The following ETS2 variants were observed in gnomAD, a reference collection of about 807,000 sequenced individuals.
ETS2 encodes the protein ETS proto-oncogene 2, transcription factor.
ETS2 carries 19 observed loss-of-function variants against 54.9 expected under a neutral mutation model. That is an observed-to-expected ratio of 0.35 (90% CI 0.24 to 0.51). The LOEUF is 0.51. Among genes scored for constraint, ETS2 ranks in the 20% least tolerant of loss-of-function variants. The probability of loss-of-function intolerance (pLI) is 0.97; values close to 1 mark genes in which losing one functional copy is unlikely to be tolerated. For synonymous variants in ETS2, 219 were observed against 229.3 expected (o/e 0.95, Z 0.41); for missense variants, 417 against 593.0 (o/e 0.70, Z 3.08).
intron 1 of ETS2, among the ~76,000 whole-genome samples, chr21:38,808,992 T>A (rs761407175): frequency 1.5e-4 from 23 of 152,242 alleles, no homozygotes; most frequent in Non-Finnish European, 2.9e-4. Flanking sequence ...CTTACTGATA[T>A]GTAACTTACC....
At position 38,821,167 on chromosome 21, in the gene ETS2, C is replaced by T. The variant is rs73903616; in HGVS notation, c.1076-419C>T. Reference sequence around the variant, plus strand: ...GCCTCATTCTGTGATGAAACACCCCCTCAGCCACCCCCATCTCTGCCCCAC... The same window carrying T: ...GCCTCATTCTGTGATGAAACACCCCTTCAGCCACCCCCATCTCTGCCCCAC... On this transcript the variant is annotated intron_variant, in intron 8 of 9. Transcript: ENST00000360938. This position sits in a 1 kb window ranked among gnomAD's most constrained non-coding sequence, Gnocchi z 4.2. Among the ~76,000 whole-genome samples, 2,477 of 152,262 alleles carry T rather than the reference C, an allele frequency of 0.016. 70 individuals carry two copies. The highest frequency in any genetic ancestry group is 0.055 in the African/African-American group (2,285 of 41,546).
chr21:38,817,030 T>A lies in ETS2; in HGVS notation c.528T>A (p.Asp176Glu). 1 of 1,612,180 alleles carries A rather than the reference T, an allele frequency of 6.2e-7. No individual in the cohort carries two copies. ...CAGAAAACCAAGAAAAGACAGAAGA[T>A]CAATATGAAGAAAATTCACACCTCA... ...MIKENQEKTEDQYEENSHLTS... is the reference protein window; with the variant it reads ...MIKENQEKTEEQYEENSHLTS... The change falls in exon 6 of 10, where the codon GAT becomes GAA. Residue 176 changes from aspartate (D) to glutamate (E), a missense_variant. This residue lies in a region of ETS2 where 326 missense variants were observed against 426.1 expected (regional missense o/e 0.76). Coordinates refer to ENST00000360938, the MANE Select transcript of ETS2 (RefSeq NM_005239.6).
chr21:38,816,615 C>T (rs2060936598), intron 5 of ETS2, among the ~76,000 whole-genome samples: 1 of 152,212 alleles, frequency 6.6e-6, no homozygotes, highest in Non-Finnish European at 1.5e-5. Flanking sequence ...AGCAGTGGAA[C>T]TGTAAGCTTC....
intron 1 of ETS2, among the ~76,000 whole-genome samples, chr21:38,807,317 C>T (rs2060897403): frequency 1.3e-5 from 2 of 151,680 alleles, no homozygotes; most frequent in African/African-American, 4.8e-5. Context: ...AATAATCTTA[C>T]ATAAGTGATT....
At chr21:38,810,289 T>C (rs2060909194) in intron 2 of ETS2, among the ~76,000 whole-genome samples, 183 bp downstream of exon 2, 2 of 152,180 alleles carry the variant, frequency 1.3e-5, no homozygotes, top group Non-Finnish European at 2.9e-5. Flanking sequence ...GCAGAATGGG[T>C]ATCTTGATGT....
chr21:38,810,240 C>A, intron 2 of ETS2, 134 bp downstream of exon 2: 1 of 553,348 alleles, frequency 1.8e-6, no homozygotes, highest in Admixed American at 4.2e-5. Flanking sequence ...TGACTATAGA[C>A]TATTTGCTTA....
intron 1 of ETS2, among the ~76,000 whole-genome samples, chr21:38,808,435 C>T (rs866726359): frequency 6.6e-6 from 1 of 152,116 alleles, no homozygotes; most frequent in Non-Finnish European, 1.5e-5. Context: ...GACTGCTGCC[C>T]CTCTCTGTCC....
Position 38,806,467 on chromosome 21 carries a change from A to G in ETS2, c.-1+347A>G. ...TTTTAAAAGGAAACGCAGGCCTGGT[A>G]GGGGGTCCTGCCCAGTGGATGTCCC... On this transcript the variant is annotated intron_variant, in intron 1 of 9. Transcript: ENST00000360938. This position sits in a 1 kb window ranked among gnomAD's most constrained non-coding sequence, Gnocchi z 4.3. 2.0e-6 allele frequency: 2 copies of G among 985,336 alleles called. No homozygotes were observed. The highest frequency in any genetic ancestry group is 1.2e-6 in the Non-Finnish European group (1 of 829,978). The allele number at this position is 985,336 out of a possible 1,614,324, so 61.0% of individuals were successfully genotyped here.
At chr21:38,818,688 T>C in intron 7 of ETS2, 42 bp downstream of exon 7, 1 of 1,609,224 alleles carries the variant, frequency 6.2e-7, no homozygotes, top group Non-Finnish European at 8.5e-7. Flanking sequence ...TTGCTTTGAT[T>C]CTGAGAACCC....
rs3833351 is a variant in ETS2 at position 38,810,013 on chromosome 21, CTT to C, written c.1-12_1-11del. The C allele has an allele frequency of 6.3e-5, 75 of 1,191,954 alleles. No individual in the cohort carries two copies. The highest frequency in any genetic ancestry group is 2.2e-4 in the African/African-American group (14 of 62,324). The allele number at this position is 1,191,954 out of a possible 1,614,324, so 73.8% of individuals were successfully genotyped here. On this transcript the variant is annotated intron_variant, in intron 1 of 9. Coordinates refer to ENST00000360938, the MANE Select transcript of ETS2 (RefSeq NM_005239.6). ...TGTACTTAATCTTTTGCCTCTTTGA[CTT>C]TTTTTTTTTCTTTTTTAAGATGAAT...
chr21:38,817,219 G>A (rs1402398847), intron 6 of ETS2, 128 bp downstream of exon 6: 5 of 616,828 alleles, frequency 8.1e-6, no homozygotes, highest in Admixed American at 2.8e-5. Flanking sequence ...CCACACGTGG[G>A]TGTTGAGCTA....
At position 38,806,871 on chromosome 21, in the gene ETS2, C is replaced by T. The variant is rs1168576793; in HGVS notation, c.-1+751C>T. 11 of 979,842 alleles carry T rather than the reference C, an allele frequency of 1.1e-5. No homozygotes were observed. Among genetic ancestry groups the T allele is most frequent in the South Asian group, 4.7e-5 (1 of 21,162 alleles). The allele number at this position is 979,842 out of a possible 1,614,324, so 60.7% of individuals were successfully genotyped here. ...GTGTGTTATCCTATTTTATTTTTTA[C>T]GGCAGGAGACCTTTTATGTTAGCCT... On this transcript the variant is annotated intron_variant, in intron 1 of 9. Coordinates refer to ENST00000360938, the MANE Select transcript of ETS2 (RefSeq NM_005239.6). The surrounding 1 kb of genome is among the most constrained non-coding windows in gnomAD (Gnocchi z 4.3).
In ETS2 at chr21:38,810,125, A is replaced by T. The variant is rs1569021382; in HGVS notation, c.72+19A>T. On this transcript the variant is annotated intron_variant, in intron 2 of 9. Transcript: ENST00000360938. ...ACTCAAGGTGAGTGGGCAAGTCTTAATTTTTTTTTTTAATTGGAAAACTCG... is the reference window on the plus strand; with the variant it reads ...ACTCAAGGTGAGTGGGCAAGTCTTATTTTTTTTTTTTAATTGGAAAACTCG... The T allele has an allele frequency of 1.4e-5, 18 of 1,278,118 alleles. No homozygotes were observed. Among genetic ancestry groups the T allele is most frequent in the Non-Finnish European group, 1.7e-5 (16 of 957,258 alleles). 79.2% of individuals were successfully genotyped at this position (1,278,118 alleles called of 1,614,324 possible). A position where few individuals can be genotyped will look rare whatever the true frequency, so the allele number is the denominator to read the frequency against.
rs529544077 is a variant in ETS2 at position 38,806,400 on chromosome 21, G to A, written c.-1+280G>A. 6 of 985,788 alleles carry A rather than the reference G, an allele frequency of 6.1e-6. No individual in the cohort carries two copies. The highest frequency in any genetic ancestry group is 5.2e-4 in the Middle Eastern group (1 of 1,936). The allele number at this position is 985,788 out of a possible 1,614,324, so 61.1% of individuals were successfully genotyped here. On this transcript the variant is annotated intron_variant, in intron 1 of 9. Transcript: ENST00000360938. The surrounding 1 kb of genome is among the most constrained non-coding windows in gnomAD (Gnocchi z 4.3). ...GCTGTCTTCGGGGTCGCCTAGCGGC[G>A]GGCGCGGCCAGGGCGCGCTGGCTTG...
intron 2 of ETS2, among the ~76,000 whole-genome samples, chr21:38,811,614 T>C (rs1377168607): frequency 6.6e-6 from 1 of 152,224 alleles, no homozygotes; most frequent in African/African-American, 2.4e-5. Context: ...CCTCAACAAT[T>C]TAGGCGATGA....
intron 2 of ETS2, among the ~76,000 whole-genome samples, chr21:38,811,300 A>C (rs1206465698): frequency 6.6e-6 from 1 of 152,158 alleles, no homozygotes; most frequent in Non-Finnish European, 1.5e-5. Context: ...CTCTGCTCTA[A>C]AGTAGTTTGT....
intron 9 of ETS2, among the ~76,000 whole-genome samples, chr21:38,822,056 C>T (rs1045955255): frequency 5.9e-5 from 9 of 152,140 alleles, no homozygotes; most frequent in East Asian, 1.9e-4. Context: ...CATGTGGCCC[C>T]GAGCCAGCCT....
chr21:38,818,735 G>A, intron 7 of ETS2, 89 bp downstream of exon 7: 2 of 1,454,870 alleles, frequency 1.4e-6, no homozygotes, highest in Non-Finnish European at 1.9e-6. Context: ...ATACTTCCTG[G>A]ATTCAGCCAT....
At position 38,822,876 on chromosome 21, in the gene ETS2, A is replaced by G. The variant is rs1202427968; in HGVS notation, c.1397A>G (p.Asp466Gly). 6.3e-7 allele frequency: 1 copy of G among 1,584,172 alleles called. No homozygotes were observed. Among genetic ancestry groups the G allele is most frequent in the Non-Finnish European group, 8.6e-7 (1 of 1,162,110 alleles). ...CACGCCATCCTGGGCGTCCAGCCCG[A>G]CACGGAGGACTGAGGTCGCCGGGAC... The part of the protein sequence containing the change: ...ELHAILGVQP[D>G]TED Residue 466 changes from aspartate (D) to glycine (G), a missense_variant, in exon 10 of 10, where the codon GAC (aspartate) becomes GGC (glycine). Asp to Gly is a moderately conservative substitution (Grantham distance 94, BLOSUM62 -1). Transcript: ENST00000360938.
Sources: gnomAD v4.1 joint callset for allele counts (sites outside exome capture counted in the v4.1 genomes callset) on GRCh38, gnomAD v4.1.1 for gene constraint, gnomAD v4.1.1 regional missense constraint, Gnocchi (gnomAD v3.1) non-coding constraint, MANE v1.5 for transcripts, NCBI Gene and HGNC (gene_info 2026-07-23, HGNC 2026-07-21) for gene names.